The following TWIST2 variants were observed in gnomAD, a reference collection of about 807,000 sequenced individuals.
TWIST2 encodes twist-related protein 2.
A neutral mutation model predicts 11.6 loss-of-function variants in TWIST2; 1 was observed. That is an observed-to-expected ratio of 0.09 (90% CI 0.03 to 0.41). The LOEUF (loss-of-function observed/expected upper bound fraction) is 0.41, where lower values mean the gene tolerates loss of function less well. TWIST2 is among the 10% of genes least tolerant of loss of function. TWIST2 has a pLI of 0.98. For synonymous variants in TWIST2, 87 were observed against 96.6 expected, an observed-to-expected ratio of 0.90 and a Z score of 0.58; for missense variants, 168 against 226.4, an observed-to-expected ratio of 0.74 and a Z score of 1.66.
intron 1 of TWIST2, among the ~76,000 whole-genome samples, chr2:238,879,249 A>T (rs1692862159): frequency 6.6e-6 from 1 of 151,362 alleles, no homozygotes; most frequent in Non-Finnish European, 1.5e-5. Flanking sequence ...GAGACCAATA[A>T]TCAGGGCTCT....
chr2:238,896,439 G>T (rs1247621600), intron 1 of TWIST2, among the ~76,000 whole-genome samples: 1 of 152,186 alleles, frequency 6.6e-6, no homozygotes, highest in Admixed American at 6.5e-5. Flanking sequence ...CCGCCTGGCC[G>T]AGCAGTGTCC....
rs931910913 is a variant in TWIST2, at chr2:238,894,349, G to A, written c.*36-15493G>A. 5.9e-5 allele frequency among the ~76,000 whole-genome samples: 9 copies of A among 151,944 alleles called. No homozygotes were observed. The East Asian group carries it at 7.8e-4, about 13-fold the overall frequency. ...CTCTAGATCTGAGTCTAGCTTCTGG[G>A]TCAGGATGCACCCAGCCACCCAAGC... On this transcript the variant is annotated intron_variant, in intron 1 of 1. Transcript: ENST00000612363.
intron 1 of TWIST2, among the ~76,000 whole-genome samples, chr2:238,900,912 C>T (rs1693261317): frequency 6.6e-6 from 1 of 152,048 alleles, no homozygotes; most frequent in Non-Finnish European, 1.5e-5. Flanking sequence ...TGAAGATAAT[C>T]CTGAACGTGG....
intron 1 of TWIST2, among the ~76,000 whole-genome samples, chr2:238,870,392 C>CACACACACA (rs1559274004): frequency 6.7e-5 from 1 of 14,952 alleles, no homozygotes; most frequent in Non-Finnish European, 1.9e-4. Flanking sequence ...CCCCACACAC[C>CACACACACA]CCACACACAC....
chr2:238,870,875 C>T (rs1169052537), intron 1 of TWIST2, among the ~76,000 whole-genome samples: 1 of 65,032 alleles, frequency 1.5e-5, no homozygotes. Context: ...ACACACACCA[C>T]ACACACACCA....
At chr2:238,899,819 C>T (rs879175043) in intron 1 of TWIST2, among the ~76,000 whole-genome samples, 66,154 of 151,942 alleles carry the variant, frequency 0.44, 14,458 homozygotes, top group Middle Eastern at 0.58. Context: ...GTTCTGATGC[C>T]GTCAGGACAG....
chr2:238,889,332 G>A (rs753177435), intron 1 of TWIST2, among the ~76,000 whole-genome samples: 3 of 152,184 alleles, frequency 2.0e-5, no homozygotes, highest in Non-Finnish European at 4.4e-5. Context: ...GTGTGTATAT[G>A]TGTATCTGCA....
At position 238,867,089 on chromosome 2, in the gene TWIST2, G is replaced by T. The variant is rs144419757; in HGVS notation, c.*35+18356G>T. 6.6e-6 allele frequency among the ~76,000 whole-genome samples: 1 copy of T among 152,144 alleles called. No individual in the cohort carries two copies. The highest frequency in any genetic ancestry group is 1.5e-5 in the Non-Finnish European group (1 of 68,044). On this transcript the variant is annotated intron_variant, in intron 1 of 1. Coordinates refer to ENST00000612363, the MANE Select transcript of TWIST2 (RefSeq NM_001271893.4). The surrounding 1 kb of genome is among the most constrained non-coding windows in gnomAD (Gnocchi z 4.8). ...ACGCACCTGGCAGCCTGGGGGTCTTGTGTTTGCCCCAAACAGAGGAGCCAG... is the reference window on the plus strand; with the variant it reads ...ACGCACCTGGCAGCCTGGGGGTCTTTTGTTTGCCCCAAACAGAGGAGCCAG...
intron 1 of TWIST2, among the ~76,000 whole-genome samples, chr2:238,858,940 A>G (rs1042147887): frequency 3.3e-5 from 5 of 152,206 alleles, no homozygotes; most frequent in Non-Finnish European, 5.9e-5. Flanking sequence ...GGTTGGGCAC[A>G]GTGGCTCACG....
intron 1 of TWIST2, chr2:238,887,345 C>T (rs1225357470): frequency 1.3e-5 from 2 of 152,156 alleles, no homozygotes; most frequent in East Asian, 1.9e-4. Context: ...TTCAGTATCT[C>T]GCTCTCTCTG....
At chr2:238,893,171 C>T (rs1440115849) in intron 1 of TWIST2, among the ~76,000 whole-genome samples, 18 of 152,222 alleles carry the variant, frequency 1.2e-4, no homozygotes, top group African/African-American at 4.1e-4. Context: ...TAGGTTTTTG[C>T]ATTCTTCTGA....
rs1385459768 is a variant in TWIST2, at chr2:238,905,912, T to TGC, written c.*36-3928_*36-3927dup. Reference sequence around the variant, plus strand: ...GCGCATGCGCGTGTGTGCGTGTGTGTGCGTGCAGGTGTGCGTGTGCGCGTG... The same window carrying TGC: ...GCGCATGCGCGTGTGTGCGTGTGTGTGCGCGTGCAGGTGTGCGTGTGCGCGTG... On this transcript the variant is annotated intron_variant, in intron 1 of 1. Transcript: ENST00000612363. 5.3e-3 allele frequency among the ~76,000 whole-genome samples: 600 copies of TGC among 113,792 alleles called. 1 individual carries two copies. The highest frequency in any genetic ancestry group is 0.023 in the African/African-American group (566 of 24,464). 74.7% of individuals were successfully genotyped at this position (113,792 alleles called of 152,430 possible).
At chr2:238,882,916 C>T (rs570468186) in intron 1 of TWIST2, among the ~76,000 whole-genome samples, 2 of 152,200 alleles carry the variant, frequency 1.3e-5, no homozygotes, top group African/African-American at 4.8e-5. Context: ...TCCAGGTGTG[C>T]CCCCTGGATG....
intron 1 of TWIST2, among the ~76,000 whole-genome samples, chr2:238,909,102 G>GGT (rs1307137128): frequency 1.4e-3 from 28 of 20,508 alleles, no homozygotes; most frequent in Admixed American, 4.0e-3. Context: ...TGGTATGTTT[G>GGT]GTGTGTGTGT....
At chr2:238,852,703 G>GTA (rs1692263622) in intron 1 of TWIST2, among the ~76,000 whole-genome samples, 1 of 152,102 alleles carries the variant, frequency 6.6e-6, no homozygotes, top group East Asian at 1.9e-4. Context: ...ACACACGAGT[G>GTA]TATGTAAAAC....
At chr2:238,868,755 T>G (rs1440126782) in intron 1 of TWIST2, among the ~76,000 whole-genome samples, 1 of 152,144 alleles carries the variant, frequency 6.6e-6, no homozygotes, top group Admixed American at 6.5e-5. Flanking sequence ...GGGCTCAGTG[T>G]GGTGCCAGTG....
chr2:238,884,452 G>A (rs1369313219), intron 1 of TWIST2, among the ~76,000 whole-genome samples: 1 of 152,204 alleles, frequency 6.6e-6, no homozygotes, highest in Non-Finnish European at 1.5e-5. Flanking sequence ...CTCCGTGTAG[G>A]GCTTCTTCCC....
intron 1 of TWIST2, among the ~76,000 whole-genome samples, chr2:238,907,568 G>A (rs1039765400): frequency 6.6e-6 from 1 of 152,132 alleles, no homozygotes; most frequent in Non-Finnish European, 1.5e-5. Context: ...AGTGCGCTTA[G>A]AAGTCACTTG....
At chr2:238,860,664 G>T (rs978783310) in intron 1 of TWIST2, among the ~76,000 whole-genome samples, 1 of 152,202 alleles carries the variant, frequency 6.6e-6, no homozygotes, top group Non-Finnish European at 1.5e-5. Context: ...CGGGCCAGGC[G>T]CAGTGGCTCA....
Sources: allele counts gnomAD v4.1 joint callset (sites outside exome capture counted in the v4.1 genomes callset), GRCh38; gene constraint gnomAD v4.1.1; non-coding constraint Gnocchi (gnomAD v3.1); transcripts MANE v1.5; gene names NCBI Gene and HGNC (gene_info 2026-07-23, HGNC 2026-07-21).